ABCE1: variants seen among roughly 807,000 people sequenced by gnomAD.
ABCE1 encodes ATP-binding cassette sub-family E member 1.
In ABCE1, 22 loss-of-function variants were observed where a neutral mutation model predicts 83.4. The ratio of observed to expected loss-of-function variants is 0.26; its 90% CI spans 0.19 to 0.38. ABCE1 has a LOEUF of 0.38. ABCE1 is among the 10% of genes least tolerant of loss of function. The pLI is 1.00. For missense variants in ABCE1, 330 were observed against 721.9 expected, an observed-to-expected ratio of 0.46 and a Z score of 6.22; for synonymous variants, 204 against 233.7, an observed-to-expected ratio of 0.87 and a Z score of 1.16.
At chr4:145,099,116 G>C (rs1050027030) in intron 1 of ABCE1, among the ~76,000 whole-genome samples, 16 of 152,150 alleles carry the variant, frequency 1.1e-4, no homozygotes, top group Non-Finnish European at 1.9e-4. Flanking sequence ...AATACTCATT[G>C]AGATCAAGGT....
intron 3 of ABCE1, 82 bp from the exon 4 acceptor site, chr4:145,107,933 T>G: frequency 9.5e-7 from 1 of 1,056,948 alleles, no homozygotes; most frequent in Non-Finnish European, 1.4e-6. Flanking sequence ...AGATTGCTTA[T>G]AAAAATATTT....
Position 145,125,068 on chromosome 4 carries a change from T to C in ABCE1, c.1719T>C (p.Tyr573=). 1.9e-6 allele frequency: 3 copies of C among 1,612,012 alleles called. No individual in the cohort carries two copies. Among genetic ancestry groups the C allele is most frequent in the African/African-American group, 1.3e-5 (1 of 74,954 alleles). ...CATTCAGAAGAGATCCAAACAACTA[T>C]AGGCCACGAATAAACAAACTTAATT... ...EITFRRDPNN[Y]RPRINKLNSI... The change falls in exon 17 of 18, where the codon TAT becomes TAC. Residue 573 remains tyrosine, a synonymous_variant. Transcript: ENST00000296577.
chr4:145,102,430 G>A (rs1749177530), intron 1 of ABCE1, among the ~76,000 whole-genome samples: 1 of 152,132 alleles, frequency 6.6e-6, no homozygotes, highest in Admixed American at 6.5e-5. Flanking sequence ...AAAGACAGAA[G>A]GGAGAATTGT....
intron 9 of ABCE1, among the ~76,000 whole-genome samples, chr4:145,115,662 T>C (rs549490551): frequency 5.3e-5 from 8 of 151,942 alleles, no homozygotes; most frequent in Non-Finnish European, 1.0e-4. Context: ...TAAAATTTTA[T>C]TTCATCAAAC....
chr4:145,117,046 C>T (rs1324072885), intron 9 of ABCE1, among the ~76,000 whole-genome samples: 1 of 151,838 alleles, frequency 6.6e-6, no homozygotes, highest in Non-Finnish European at 1.5e-5. Flanking sequence ...AAATATGTTT[C>T]TTATTAGCAG....
rs565947108 is a variant in ABCE1, at chr4:145,104,404, C to T, written c.-9C>T. 94 of 1,569,732 alleles carry T rather than the reference C, an allele frequency of 6.0e-5. No homozygotes were observed. The South Asian group carries it at 9.8e-4, about 16-fold the overall frequency. On this transcript the variant is annotated 5_prime_UTR_variant, in exon 2 of 18. Coordinates refer to ENST00000296577, the MANE Select transcript of ABCE1 (RefSeq NM_002940.3). ...TTCATAGAAGAGCTGGATATTCTTT[C>T]GCCCAGTTATGGCAGACAAGTTAAC...
intron 7 of ABCE1, 107 bp downstream of exon 7, chr4:145,110,551 C>G (rs1749442021): frequency 9.3e-7 from 1 of 1,076,528 alleles, no homozygotes; most frequent in African/African-American, 1.6e-5. Flanking sequence ...CCTCTGCTTA[C>G]CACAACCTCT....
intron 9 of ABCE1, 56 bp from the exon 10 acceptor site, chr4:145,117,237 C>A: frequency 6.9e-7 from 1 of 1,448,490 alleles, no homozygotes; most frequent in Non-Finnish European, 9.4e-7. Flanking sequence ...CTGAAATTTC[C>A]AACTATTAAA....
chr4:145,124,952 T>TA, intron 16 of ABCE1, 38 bp from the exon 17 acceptor site: 1 of 1,452,134 alleles, frequency 6.9e-7, no homozygotes, highest in Non-Finnish European at 9.6e-7. Context: ...ATTTCTGAAG[T>TA]AAAATTTAAT....
At chr4:145,111,273 T>G (rs1241428994) in intron 8 of ABCE1, 1 of 414,250 alleles carries the variant, frequency 2.4e-6, no homozygotes, top group Admixed American at 4.4e-5. Context: ...ATTTAGATAG[T>G]TTATAACTGA....
chr4:145,100,955 A>G (rs1167642142), intron 1 of ABCE1, among the ~76,000 whole-genome samples: 1 of 152,120 alleles, frequency 6.6e-6, no homozygotes, highest in East Asian at 1.9e-4. Context: ...TACCCTCATG[A>G]TGGATGGAGT....
chr4:145,098,927 C>T (rs1455173169), intron 1 of ABCE1, among the ~76,000 whole-genome samples: 1 of 152,234 alleles, frequency 6.6e-6, no homozygotes, highest in Admixed American at 6.5e-5. Context: ...GCTGTCCACT[C>T]CCAGGCTTTA....
chr4:145,120,345 A>C (rs2126712211), intron 11 of ABCE1, among the ~76,000 whole-genome samples, 192 bp downstream of exon 11: 1 of 152,210 alleles, frequency 6.6e-6, no homozygotes, highest in South Asian at 2.1e-4. Flanking sequence ...TAATTCAATC[A>C]GGTTAATAGT....
At chr4:145,121,428 T>G (rs1423254001) in intron 13 of ABCE1, 37 bp downstream of exon 13, 8 of 1,478,700 alleles carry the variant, frequency 5.4e-6, no homozygotes, top group Non-Finnish European at 7.5e-6. Context: ...CTAAAGAAAA[T>G]TTTGTATATA....
chr4:145,120,312 C>T (rs531394363), intron 11 of ABCE1, among the ~76,000 whole-genome samples, 159 bp downstream of exon 11: 1 of 152,050 alleles, frequency 6.6e-6, no homozygotes, highest in African/African-American at 2.4e-5. Context: ...ATTTTTTTGG[C>T]ATTGTGTAAT....
intron 4 of ABCE1, 114 bp from the exon 5 acceptor site, chr4:145,109,018 C>G: frequency 1.4e-6 from 1 of 723,242 alleles, no homozygotes; most frequent in South Asian, 1.9e-5. Flanking sequence ...TGTTTCTTAG[C>G]TTATTAATGG....
At chr4:145,126,119 T>C (rs796228983) in intron 17 of ABCE1, among the ~76,000 whole-genome samples, 15 of 152,282 alleles carry the variant, frequency 9.9e-5, no homozygotes, top group African/African-American at 3.4e-4. Context: ...GAAAACATTG[T>C]GTCTACTTAA....
chr4:145,100,933 A>G (rs1241588367), intron 1 of ABCE1, among the ~76,000 whole-genome samples: 2 of 152,178 alleles, frequency 1.3e-5, no homozygotes, highest in Non-Finnish European at 2.9e-5. Context: ...CACTGGAATG[A>G]ACAAAAATTC....
intron 3 of ABCE1, among the ~76,000 whole-genome samples, chr4:145,107,722 T>A (rs1749347267): frequency 6.6e-6 from 1 of 152,198 alleles, no homozygotes; most frequent in African/African-American, 2.4e-5. Flanking sequence ...GACTTTTTCT[T>A]TTACTCAGGT....
Sources: gnomAD v4.1 joint callset for allele counts (sites outside exome capture counted in the v4.1 genomes callset) on GRCh38, gnomAD v4.1.1 for gene constraint, MANE v1.5 for transcripts, NCBI Gene and HGNC (gene_info 2026-07-23, HGNC 2026-07-21) for gene names.